The following FAM184A variants were observed in gnomAD, a reference collection of about 807,000 sequenced individuals.
The protein encoded by FAM184A is protein FAM184A.
Under a neutral mutation model 143.8 loss-of-function variants are expected in FAM184A, and 99 were observed. That is an observed-to-expected ratio of 0.69 (90% CI 0.58 to 0.81). FAM184A has a LOEUF of 0.81. Ranked by LOEUF, FAM184A falls within the 40% of genes least tolerant of loss-of-function variation. The pLI is 0.00. For missense variants in FAM184A, 1,217 were observed against 1,310.5 expected, an observed-to-expected ratio of 0.93 and a Z score of 1.10; for synonymous variants, 427 against 446.4, an observed-to-expected ratio of 0.96 and a Z score of 0.55.
At chr6:119,041,989 G>A (rs553013447) in intron 1 of FAM184A, among the ~76,000 whole-genome samples, 1 of 152,186 alleles carries the variant, frequency 6.6e-6, no homozygotes, top group Non-Finnish European at 1.5e-5. Flanking sequence ...CACCATCTTG[G>A]AAGCGGCCCG....
chr6:119,043,109 C>T (rs1199068706), intron 1 of FAM184A, among the ~76,000 whole-genome samples: 1 of 152,034 alleles, frequency 6.6e-6, no homozygotes, highest in African/African-American at 2.4e-5. Flanking sequence ...CAGTTTCCAC[C>T]TAGAATGTAG....
chr6:119,142,942 G>A (rs1772295974), intron 1 of FAM184A, among the ~76,000 whole-genome samples: 1 of 152,164 alleles, frequency 6.6e-6, no homozygotes, highest in African/African-American at 2.4e-5. Context: ...ACACTCAAAA[G>A]GAAGATGGCA....
At chr6:119,062,857 T>C (rs1367110729) in intron 1 of FAM184A, among the ~76,000 whole-genome samples, 8 of 152,154 alleles carry the variant, frequency 5.3e-5, no homozygotes, top group African/African-American at 1.7e-4. Context: ...ATCTGTTAGA[T>C]TGCAAGCTCC....
chr6:119,024,582 C>T lies in FAM184A; in HGVS notation c.391G>A (p.Ala131Thr). Reference sequence around the variant, plus strand: ...ATGTCCTCAACTCTGTGCTTATAAGCTTCAAATTCTGTCAAAGCCTGCTGC... The same window carrying T: ...ATGTCCTCAACTCTGTGCTTATAAGTTTCAAATTCTGTCAAAGCCTGCTGC... ...MKQQALTEFE[A>T]YKHRVEDMQL... Residue 131 changes from alanine to threonine, a missense_variant, in exon 2 of 18, where the codon GCT becomes ACT. Ala to Thr is a moderately conservative substitution (Grantham distance 58). Coordinates refer to ENST00000338891, the MANE Select transcript of FAM184A (RefSeq NM_024581.6). The T allele has an allele frequency of 6.2e-7, 1 of 1,614,168 alleles. No homozygotes were observed. Among genetic ancestry groups the T allele is most frequent in the East Asian group, 2.2e-5 (1 of 44,880 alleles).
chr6:119,043,715 G>A (rs1786426320), intron 1 of FAM184A, among the ~76,000 whole-genome samples: 2 of 152,214 alleles, frequency 1.3e-5, no homozygotes. Flanking sequence ...CTCTTTGGGA[G>A]AATGGGCAGG....
At chr6:118,991,746 G>A (rs1411186757) in intron 9 of FAM184A, among the ~76,000 whole-genome samples, 3 of 139,334 alleles carry the variant, frequency 2.2e-5, no homozygotes, top group Non-Finnish European at 3.1e-5. Context: ...GTGCCCCTGA[G>A]AGGACTTTTT....
chr6:119,067,740 C>T (rs1787511201), intron 1 of FAM184A, among the ~76,000 whole-genome samples: 1 of 152,198 alleles, frequency 6.6e-6, no homozygotes, highest in South Asian at 2.1e-4. Flanking sequence ...TGAGAACTGA[C>T]TATATTTTAT....
At chr6:119,055,547 A>T (rs74630482) in intron 1 of FAM184A, among the ~76,000 whole-genome samples, 2,921 of 152,302 alleles carry the variant, frequency 0.019, 84 homozygotes, top group African/African-American at 0.067. Flanking sequence ...CATCCGTGGC[A>T]ACACTTCATT....
chr6:119,036,419 T>A (rs1161798554), intron 1 of FAM184A, among the ~76,000 whole-genome samples: 1 of 152,120 alleles, frequency 6.6e-6, no homozygotes, highest in Non-Finnish European at 1.5e-5. Flanking sequence ...CCAATTGCAT[T>A]GGGAAATTGT....
chr6:119,035,787 AC>A (rs1457310473), intron 1 of FAM184A, among the ~76,000 whole-genome samples: 1 of 151,942 alleles, frequency 6.6e-6, no homozygotes, highest in African/African-American at 2.4e-5. Flanking sequence ...ATGACCAGAA[AC>A]CCCCACCCTG....
intron 1 of FAM184A, among the ~76,000 whole-genome samples, chr6:119,133,367 G>A (rs371201400): frequency 6.6e-6 from 1 of 152,100 alleles, no homozygotes; most frequent in South Asian, 2.1e-4. Flanking sequence ...GGAAGACTCC[G>A]AAATGGAGAT....
chr6:119,103,661 C>CTGAA (rs1562151522), intron 1 of FAM184A, among the ~76,000 whole-genome samples: 1 of 151,496 alleles, frequency 6.6e-6, no homozygotes, highest in Non-Finnish European at 1.5e-5. Flanking sequence ...GGCACGGTGG[C>CTGAA]TCAAGCCTGT....
intron 1 of FAM184A, among the ~76,000 whole-genome samples, chr6:119,103,618 C>T (rs1206894346): frequency 6.6e-6 from 1 of 150,724 alleles, no homozygotes; most frequent in Non-Finnish European, 1.5e-5. Flanking sequence ...GGCAGGAAAA[C>T]AAAATATTTT....
chr6:119,020,812 T>C (rs1785419500), intron 3 of FAM184A, among the ~76,000 whole-genome samples: 1 of 152,140 alleles, frequency 6.6e-6, no homozygotes, highest in South Asian at 2.1e-4. Context: ...TAACAGCCAC[T>C]GCACTATGTC....
intron 1 of FAM184A, among the ~76,000 whole-genome samples, chr6:119,101,553 AC>A (rs1449102930): frequency 6.6e-6 from 1 of 152,202 alleles, no homozygotes; most frequent in African/African-American, 2.4e-5. Context: ...TAATTTTGGT[AC>A]TTTTCCCACC....
intron 12 of FAM184A, among the ~76,000 whole-genome samples, chr6:118,975,544 G>GT (rs1295871666): frequency 6.6e-6 from 1 of 152,212 alleles, no homozygotes; most frequent in Non-Finnish European, 1.5e-5. Flanking sequence ...TACATCCTCA[G>GT]TAAGTTTTAC....
chr6:119,024,834 A>T, intron 1 of FAM184A, 21 bp from the exon 2 acceptor site: 1 of 1,547,524 alleles, frequency 6.5e-7, no homozygotes, highest in Non-Finnish European at 8.7e-7. Flanking sequence ...TTGAATAAGA[A>T]GGGAGAAGGA....
intron 1 of FAM184A, among the ~76,000 whole-genome samples, chr6:119,103,989 G>T (rs1214380554): frequency 1.3e-5 from 2 of 150,666 alleles, no homozygotes; most frequent in Admixed American, 6.6e-5. Context: ...AATGTATTGT[G>T]CCATATTTTG....
At chr6:119,141,766 T>C (rs1397998693) in intron 1 of FAM184A, among the ~76,000 whole-genome samples, 1 of 152,038 alleles carries the variant, frequency 6.6e-6, no homozygotes, top group African/African-American at 2.4e-5. Context: ...TGTGAGCCAC[T>C]GTGCCCGGCC....
Sources: gnomAD v4.1 joint callset for allele counts (sites outside exome capture counted in the v4.1 genomes callset) on GRCh38, gnomAD v4.1.1 for gene constraint, MANE v1.5 for transcripts, NCBI Gene and HGNC (gene_info 2026-07-23, HGNC 2026-07-21) for gene names.